Variants in GSTO2 observed in about 807,000 individuals in gnomAD.
GSTO2 encodes glutathione S-transferase omega 2, also known as glutathione S-transferase omega-2.
GSTO2 carries 23 observed loss-of-function variants against 28.4 expected under a neutral mutation model. The observed-to-expected ratio is 0.81, with a 90% CI of 0.58 to 1.15. The LOEUF (loss-of-function observed/expected upper bound fraction) is 1.15, where lower values mean the gene tolerates loss of function less well. Among genes scored for constraint, GSTO2 ranks in the 50% most tolerant of loss-of-function variants. The probability of loss-of-function intolerance (pLI) is 0.00; values close to 1 mark genes in which losing one functional copy is unlikely to be tolerated. For missense variants in GSTO2, 298 were observed against 297.8 expected (o/e 1.00, Z 0.00); for synonymous variants, 109 against 111.0 (o/e 0.98, Z 0.11).
chr10:104,282,235 AAAAAAAAAG>A (rs1251223116), intron 5 of GSTO2, among the ~76,000 whole-genome samples: 1 of 148,708 alleles, frequency 6.7e-6, no homozygotes, highest in African/African-American at 2.6e-5. Context: ...CAAAAAAAAA[AAAAAAAAAG>A]AAAAGAAAAG....
At chr10:104,293,937 C>T (rs909616158) in intron 5 of GSTO2, among the ~76,000 whole-genome samples, 5 of 152,052 alleles carry the variant, frequency 3.3e-5, no homozygotes, top group African/African-American at 1.2e-4. Flanking sequence ...CCGGAGAGCC[C>T]GTTAACCTCC....
chr10:104,293,762 G>A (rs1392837136), intron 5 of GSTO2, among the ~76,000 whole-genome samples: 2 of 151,696 alleles, frequency 1.3e-5, no homozygotes, highest in Non-Finnish European at 2.9e-5. Flanking sequence ...TTGTAGAGAC[G>A]GGGTTTCACC....
At chr10:104,275,485 C>G (rs2011590031) in intron 3 of GSTO2, 151 bp downstream of exon 3, 3 of 653,010 alleles carry the variant, frequency 4.6e-6, no homozygotes, top group Non-Finnish European at 7.8e-6. Flanking sequence ...AAAGGGCGAG[C>G]TTTTTTTTAG....
chr10:104,287,954 C>G (rs1253038145), intron 5 of GSTO2, among the ~76,000 whole-genome samples: 1 of 138,916 alleles, frequency 7.2e-6, no homozygotes, highest in African/African-American at 2.7e-5. Flanking sequence ...GTGGTGCTAT[C>G]TCGGCTCACT....
chr10:104,290,822 A>G (rs1477143735), intron 5 of GSTO2, among the ~76,000 whole-genome samples: 1 of 152,228 alleles, frequency 6.6e-6, no homozygotes, highest in Admixed American at 6.5e-5. Context: ...AAGACCTACT[A>G]TCTGATAGCA....
chr10:104,288,935 T>G (rs1054901288), intron 5 of GSTO2, among the ~76,000 whole-genome samples: 1 of 152,344 alleles, frequency 6.6e-6, no homozygotes, highest in Non-Finnish European at 1.5e-5. Flanking sequence ...TTTCCTCCAC[T>G]GTTTTATGTG....
At chr10:104,281,556 A>T (rs2012039924) in intron 5 of GSTO2, among the ~76,000 whole-genome samples, 1 of 152,216 alleles carries the variant, frequency 6.6e-6, no homozygotes, top group African/African-American at 2.4e-5. Context: ...GTTCTTCTTC[A>T]GTCGGGGGTC....
In GSTO2 at chr10:104,274,820, G is replaced by T. The variant is rs2011548899; in HGVS notation, c.-96G>T. On this transcript the variant is annotated 5_prime_UTR_variant, in exon 2 of 7. Transcript: ENST00000338595. ...ATTAAATTTGGGGCAAGGGGTGCGCGCCAGAGCGCAGCTGTTTCTGGAGCC... is the reference window on the plus strand; with the variant it reads ...ATTAAATTTGGGGCAAGGGGTGCGCTCCAGAGCGCAGCTGTTTCTGGAGCC... 6.9e-7 allele frequency: 1 copy of T among 1,452,548 alleles called. No homozygotes were observed. Among genetic ancestry groups the T allele is most frequent in the Middle Eastern group, 1.8e-4 (1 of 5,696 alleles). The allele number at this position is 1,452,548 out of a possible 1,614,324, so 90.0% of individuals were successfully genotyped here. A position where few individuals can be genotyped will look rare whatever the true frequency, so the allele number is the denominator to read the frequency against.
chr10:104,284,676 C>G (rs1220629124), intron 5 of GSTO2, among the ~76,000 whole-genome samples: 1 of 152,150 alleles, frequency 6.6e-6, no homozygotes, highest in Non-Finnish European at 1.5e-5. Context: ...CAGAATGGGA[C>G]TTGAGCCAGG....
chr10:104,270,090 T>C (rs987011727), intron 1 of GSTO2, among the ~76,000 whole-genome samples: 3 of 151,748 alleles, frequency 2.0e-5, no homozygotes, highest in Non-Finnish European at 2.9e-5. Context: ...CTCGGCTCAC[T>C]GCAAGCTCCG....
chr10:104,294,082 T>C (rs929668973), intron 5 of GSTO2, among the ~76,000 whole-genome samples: 4 of 152,194 alleles, frequency 2.6e-5, no homozygotes, highest in African/African-American at 9.7e-5. Flanking sequence ...CAAGGCTTTA[T>C]TGAAGGAACT....
chr10:104,296,788 CTTTT>C (rs1251568925), intron 5 of GSTO2: 7 of 149,478 alleles, frequency 4.7e-5, no homozygotes, highest in Admixed American at 4.7e-4. Context: ...TTTCTTTTTT[CTTTT>C]TTTCTTTTTT....
chr10:104,304,287 T>C lies in GSTO2; in HGVS notation c.*5003T>C, dbSNP rs1298277921. The C allele has an allele frequency of 6.6e-6, 1 of 152,268 alleles. No homozygotes were observed. The highest frequency in any genetic ancestry group is 1.5e-5 in the Non-Finnish European group (1 of 68,046). The allele number at this position is 152,268 out of a possible 1,614,324, so 9.4% of individuals were successfully genotyped here. ...AAACATTTTTCTCTCATCTGGCCTGTTAGCGCTCTTGAGCCTTTGAAAATG... is the reference window on the plus strand; with the variant it reads ...AAACATTTTTCTCTCATCTGGCCTGCTAGCGCTCTTGAGCCTTTGAAAATG... On this transcript the variant is annotated 3_prime_UTR_variant, in exon 7 of 7. Coordinates refer to ENST00000338595, the MANE Select transcript of GSTO2 (RefSeq NM_183239.2).
chr10:104,298,399 G>A (rs2013142786), intron 6 of GSTO2, among the ~76,000 whole-genome samples: 1 of 152,188 alleles, frequency 6.6e-6, no homozygotes, highest in Non-Finnish European at 1.5e-5. Context: ...CCCGTGGGCT[G>A]GAGCCCAACC....
intron 5 of GSTO2, chr10:104,296,259 G>A (rs747555696): frequency 2.6e-5 from 4 of 152,080 alleles, no homozygotes; most frequent in Non-Finnish European, 5.9e-5. Flanking sequence ...AATGCATTAA[G>A]TAATAGTGTT....
rs982099264 is a variant in GSTO2, at chr10:104,299,641, A to G, written c.*357A>G. 4.3e-5 allele frequency: 10 copies of G among 233,624 alleles called. No individual in the cohort carries two copies. Among genetic ancestry groups the G allele is most frequent in the Non-Finnish European group, 3.4e-5 (4 of 119,036 alleles). 14.5% of individuals were successfully genotyped at this position (233,624 alleles called of 1,614,324 possible). On this transcript the variant is annotated 3_prime_UTR_variant, in exon 7 of 7. Coordinates refer to ENST00000338595, the MANE Select transcript of GSTO2 (RefSeq NM_183239.2). The stretch of plus-strand genomic sequence containing the variant: ...CAGGTATGTGTCACCACGCCCAGCT[A>G]ATTTTTAAAAAAATGTTGTTGAGAC...
At chr10:104,293,433 A>G (rs571555321) in intron 5 of GSTO2, among the ~76,000 whole-genome samples, 2 of 151,956 alleles carry the variant, frequency 1.3e-5, no homozygotes, top group African/African-American at 4.8e-5. Flanking sequence ...TGTTCTGTTT[A>G]TTTATTTATT....
rs112969459 is a variant in GSTO2, at chr10:104,275,204, C to G, written c.35-22C>G. 3.8e-6 allele frequency: 6 copies of G among 1,599,490 alleles called. No homozygotes were observed. In the Admixed American group the frequency reaches 1.0e-4, roughly 28 times the overall value. ...CTGACTAGCCTCTCCTTTCCCTGTCCCCCTCCATCGCTGCTCTGCAGGAAG... is the reference window on the plus strand; with the variant it reads ...CTGACTAGCCTCTCCTTTCCCTGTCGCCCTCCATCGCTGCTCTGCAGGAAG... On this transcript the variant is annotated intron_variant, in intron 2 of 6. Transcript: ENST00000338595.
intron 1 of GSTO2, among the ~76,000 whole-genome samples, chr10:104,274,079 G>T (rs2011522121): frequency 6.6e-6 from 1 of 152,216 alleles, no homozygotes; most frequent in Admixed American, 6.5e-5. Flanking sequence ...AAACAGAAAA[G>T]CTGTGCAAGT....
Sources: gnomAD v4.1 joint callset for allele counts (sites outside exome capture counted in the v4.1 genomes callset) on GRCh38, gnomAD v4.1.1 for gene constraint, MANE v1.5 for transcripts, NCBI Gene and HGNC (gene_info 2026-07-23, HGNC 2026-07-21) for gene names.